Variants in MCM3AP observed in about 807,000 individuals in gnomAD.
The protein encoded by MCM3AP is minichromosome maintenance complex component 3 associated protein, also known as germinal-center associated nuclear protein.
In MCM3AP, 126 loss-of-function variants were observed where a neutral mutation model predicts 184.1. The ratio of observed to expected loss-of-function variants is 0.68; its 90% CI spans 0.59 to 0.79. MCM3AP has a LOEUF of 0.79. Ranked by LOEUF, MCM3AP falls within the 30% of genes least tolerant of loss-of-function variation. The pLI is 0.00. For missense variants in MCM3AP, 2,496 were observed against 2,479.2 expected (o/e 1.01, Z -0.14); for synonymous variants, 1,002 against 979.3 (o/e 1.02, Z -0.43).
At chr21:46,261,805 G>A (rs901512646) in intron 13 of MCM3AP, among the ~76,000 whole-genome samples, 1 of 149,684 alleles carries the variant, frequency 6.7e-6, no homozygotes, top group Non-Finnish European at 1.5e-5. Flanking sequence ...AAAACACACA[G>A]GTTGAGTGTC....
At chr21:46,274,297 G>A (rs899612510) in intron 6 of MCM3AP, among the ~76,000 whole-genome samples, 1 of 152,228 alleles carries the variant, frequency 6.6e-6, no homozygotes, top group African/African-American at 2.4e-5. Flanking sequence ...CATGGATAAT[G>A]TTCAGGAAAG....
intron 22 of MCM3AP, 125 bp from the exon 23 acceptor site, chr21:46,245,322 T>C: frequency 2.4e-6 from 2 of 830,552 alleles, no homozygotes; most frequent in Non-Finnish European, 3.7e-6. Context: ...CTCTCAACTG[T>C]GGTAGGAAGG....
chr21:46,244,738 C>T (rs1275406939), intron 23 of MCM3AP, 69 bp downstream of exon 23: 5 of 1,514,658 alleles, frequency 3.3e-6, no homozygotes, highest in Non-Finnish European at 4.5e-6. Flanking sequence ...CAGACGGTTA[C>T]TACAGTGAGA....
At chr21:46,279,555 T>G (rs1365377410) in intron 4 of MCM3AP, among the ~76,000 whole-genome samples, 3 of 152,230 alleles carry the variant, frequency 2.0e-5, no homozygotes, top group Non-Finnish European at 4.4e-5. Context: ...CCCCTGGATC[T>G]CCTGTAGCTG....
rs374121817 is a variant in MCM3AP at position 46,244,823 on chromosome 21, G to A, written c.5022C>T (p.Asp1674=). 2.5e-6 allele frequency: 4 copies of A among 1,613,208 alleles called. No homozygotes were observed. In the African/African-American group the frequency reaches 4.0e-5, roughly 16 times the overall value. ...AVLGFQLPQM[D]LPPLGAPWLP... ...AGCACGTACCCCCCAGGGGTGGAAG[G>A]TCCATCTGCGGAAGCTGGAACCCGA... is the stretch of plus-strand genomic sequence containing the variant. The change falls in exon 23 of 28, where the codon GAC becomes GAT. Residue 1674 remains aspartate, a synonymous_variant. Transcript: ENST00000291688.
intron 20 of MCM3AP, chr21:46,247,141 AGG>A: frequency 4.5e-6 from 2 of 440,870 alleles, no homozygotes; most frequent in Non-Finnish European, 8.2e-6. Flanking sequence ...TTTTTTGAGA[AGG>A]GGGTCTTATT....
chr21:46,236,022 G>A (rs567565974), intron 27 of MCM3AP, among the ~76,000 whole-genome samples: 67 of 152,174 alleles, frequency 4.4e-4, no homozygotes, highest in Admixed American at 9.8e-4. Flanking sequence ...TCCCATCTTC[G>A]GATATTTATT....
chr21:46,249,656 A>G (rs879840772), intron 20 of MCM3AP: 60 of 441,712 alleles, frequency 1.4e-4, no homozygotes, highest in Admixed American at 1.2e-3. Flanking sequence ...CGCATGACAT[A>G]TAACATCCAA....
rs766385063 is a variant in MCM3AP, at chr21:46,280,559, G to A, written c.1460C>T (p.Ala487Val). 6.2e-7 allele frequency: 1 copy of A among 1,612,460 alleles called. No individual in the cohort carries two copies. The highest frequency in any genetic ancestry group is 8.5e-7 in the Non-Finnish European group (1 of 1,178,838). Residue 487 changes from alanine to valine, a missense_variant, in exon 3 of 28, where the codon GCT becomes GTT. Ala to Val is a moderately conservative substitution (Grantham distance 64, BLOSUM62 0). Coordinates refer to ENST00000291688, the MANE Select transcript of MCM3AP (RefSeq NM_003906.5). ...ATGCAAACTTTTCCCCTTCTTTCTA[G>A]CCAGGGCTGCAGATGCCTGGAAAAC... ...HFFDHASAAL[A>V]RKKGKSLHKD...
intron 26 of MCM3AP, 144 bp downstream of exon 26, chr21:46,240,667 A>G: frequency 5.7e-6 from 4 of 698,658 alleles, no homozygotes; most frequent in Non-Finnish European, 9.9e-6. Context: ...GAGCTTTTAA[A>G]TAGTTACATC....
At chr21:46,236,696 A>G (rs2080531766) in intron 27 of MCM3AP, 133 bp downstream of exon 27, 2 of 629,002 alleles carry the variant, frequency 3.2e-6, no homozygotes, top group Non-Finnish European at 5.4e-6. Flanking sequence ...AGTTTAAGAA[A>G]AGGTCTAATT....
chr21:46,258,957 A>T lies in MCM3AP; in HGVS notation c.3716T>A (p.Phe1239Tyr), dbSNP rs1229263564. 2 of 1,614,156 alleles carry T rather than the reference A, an allele frequency of 1.2e-6. No homozygotes were observed. The highest frequency in any genetic ancestry group is 1.7e-6 in the Non-Finnish European group (2 of 1,180,024). ...AKETLQELQC[F>Y]CKYLQRWREA... ...GACTCACCGCTGTAGATACTTGCAG[A>T]AGCACTGAAGCTCCTGGAGGGTCTC... The change falls in exon 16 of 28, where the codon TTC (phenylalanine) becomes TAC (tyrosine). Residue 1239 changes from phenylalanine (F) to tyrosine (Y), a missense_variant. By Grantham distance (22) the Phe-to-Tyr change is conservative (BLOSUM62 3). Around this residue, in one of 5 missense-constraint regions of MCM3AP, gnomAD observed 1,323 missense variants for 1,273.4 expected, o/e 1.04. Coordinates refer to ENST00000291688, the MANE Select transcript of MCM3AP (RefSeq NM_003906.5).
rs767063802 is a variant in MCM3AP, at chr21:46,259,112, A to G, written c.3582-21T>C. The G allele has an allele frequency of 4.4e-6, 7 of 1,595,276 alleles. No homozygotes were observed. The African/African-American group carries it at 6.8e-5, about 15-fold the overall frequency. ...CATTCCTAGAAACAGGGCAATCAGC[A>G]TGGAAGACACTGCACTTGGGGCCCA... On this transcript the variant is annotated intron_variant, in intron 15 of 27. Coordinates refer to ENST00000291688, the MANE Select transcript of MCM3AP (RefSeq NM_003906.5).
At chr21:46,285,874 C>T (rs1024175409), upstream of MCM3AP, 1 of 152,708 alleles carries the variant, frequency 6.5e-6, no homozygotes, top group African/African-American at 2.4e-5. Flanking sequence ...GGCGGCCACC[C>T]TCGAGCGGGC....
At chr21:46,263,197 A>T (rs892699655) in intron 13 of MCM3AP, among the ~76,000 whole-genome samples, 3 of 149,698 alleles carry the variant, frequency 2.0e-5, no homozygotes, top group African/African-American at 7.4e-5. Flanking sequence ...AGGCTTGGTG[A>T]CAGGTGCCTG....
chr21:46,240,400 G>A (rs2080639364), intron 26 of MCM3AP, among the ~76,000 whole-genome samples: 1 of 152,082 alleles, frequency 6.6e-6, no homozygotes. Context: ...GAGGGAAGTG[G>A]GCAATGTAGA....
chr21:46,284,894 A>G lies in MCM3AP; in HGVS notation c.393T>C (p.Ala131=). ...CAAAACCAGAGTTCACTATTTCTCC[A>G]GCTTCTTGTCCAAAAGCAGAAGTGC... The part of the protein sequence containing the change: ...FPSTSAFGQE[A]GEIVNSGFGK... The change falls in exon 1 of 28, where the codon GCT becomes GCC. Residue 131 remains alanine, a synonymous_variant. Coordinates refer to ENST00000291688, the MANE Select transcript of MCM3AP (RefSeq NM_003906.5). 3 of 1,614,220 alleles carry G rather than the reference A, an allele frequency of 1.9e-6. No individual in the cohort carries two copies. Among genetic ancestry groups the G allele is most frequent in the Non-Finnish European group, 2.5e-6 (3 of 1,180,036 alleles).
intron 23 of MCM3AP, among the ~76,000 whole-genome samples, chr21:46,244,135 T>C (rs1453028479): frequency 6.6e-6 from 1 of 152,248 alleles, no homozygotes; most frequent in Admixed American, 6.5e-5. Flanking sequence ...TTAGACCTAC[T>C]ACAGACCACA....
At chr21:46,275,775 T>C (rs906958642) in intron 5 of MCM3AP, among the ~76,000 whole-genome samples, 1 of 152,216 alleles carries the variant, frequency 6.6e-6, no homozygotes, top group African/African-American at 2.4e-5. Context: ...TATATCACTA[T>C]TCTAAAACTG....
Sources: gnomAD v4.1 joint callset for allele counts (sites outside exome capture counted in the v4.1 genomes callset) on GRCh38, gnomAD v4.1.1 for gene constraint, gnomAD v4.1.1 regional missense constraint, MANE v1.5 for transcripts, NCBI Gene and HGNC (gene_info 2026-07-23, HGNC 2026-07-21) for gene names.